Variants in PHLPP1 observed in about 807,000 individuals in gnomAD.
PHLPP1 encodes PH domain leucine-rich repeat-containing protein phosphatase 1.
Under a neutral mutation model 117.2 loss-of-function variants are expected in PHLPP1, and 42 were observed. The observed-to-expected ratio is 0.36, with a 90% CI of 0.28 to 0.46. PHLPP1 has a LOEUF of 0.46. Among genes scored for constraint, PHLPP1 ranks in the 20% least tolerant of loss-of-function variants. The pLI is 1.00. For missense variants in PHLPP1, 2,084 were observed against 2,241.9 expected (o/e 0.93, Z 1.42); for synonymous variants, 1,042 against 970.7 (o/e 1.07, Z -1.37).
intron 1 of PHLPP1, among the ~76,000 whole-genome samples, chr18:62,805,618 C>T (rs1365350290): frequency 6.6e-5 from 10 of 152,286 alleles, no homozygotes; most frequent in Admixed American, 2.0e-4. Flanking sequence ...ATCTCAGACT[C>T]TCAAAGTGTT....
intron 4 of PHLPP1, among the ~76,000 whole-genome samples, chr18:62,879,616 G>A (rs1209329389): frequency 1.3e-5 from 2 of 152,082 alleles, no homozygotes; most frequent in Non-Finnish European, 2.9e-5. Context: ...CACCGTGTTA[G>A]TCAGGATGGT....
chr18:62,882,549 G>T (rs994681322), intron 4 of PHLPP1, among the ~76,000 whole-genome samples: 1 of 152,044 alleles, frequency 6.6e-6, no homozygotes, highest in African/African-American at 2.4e-5. Flanking sequence ...ATGAGCCACC[G>T]CGCCCGGCCA....
intron 1 of PHLPP1, among the ~76,000 whole-genome samples, chr18:62,760,485 T>C (rs1024192467): frequency 2.1e-4 from 32 of 152,198 alleles, no homozygotes; most frequent in Admixed American, 2.0e-4. Flanking sequence ...GGGAAAGCAA[T>C]GTGTGGTTTT....
rs780762807 is a variant in PHLPP1 at position 62,920,114 on chromosome 18, G to A, written c.2960G>A (p.Ser987Asn). The A allele has an allele frequency of 6.2e-7, 1 of 1,612,948 alleles. No homozygotes were observed. The highest frequency in any genetic ancestry group is 2.2e-5 in the East Asian group (1 of 44,858). Residue 987 changes from serine to asparagine, a missense_variant and splice_region_variant, in exon 10 of 17, where the codon AGC becomes AAC. Transcript: ENST00000262719. ...CCTAACCTTCTGATGAAGGCTGACA[G>A]GTAAAGCCATTTGTCTTGTTTATCA... is the stretch of plus-strand genomic sequence containing the variant. ...LPPNLLMKAD[S>N]LRFLNASANK...
intron 1 of PHLPP1, among the ~76,000 whole-genome samples, chr18:62,783,469 C>T (rs1271525613): frequency 6.6e-6 from 1 of 152,084 alleles, no homozygotes; most frequent in African/African-American, 2.4e-5. Flanking sequence ...ACCTCGTGAT[C>T]TGCCCGCCTT....
chr18:62,952,945 A>G (rs1910506072), intron 12 of PHLPP1, among the ~76,000 whole-genome samples: 1 of 152,186 alleles, frequency 6.6e-6, no homozygotes, highest in South Asian at 2.1e-4. Flanking sequence ...TATGTAGAAT[A>G]ATAGTACTAC....
chr18:62,748,844 C>G (rs1350555860), intron 1 of PHLPP1, among the ~76,000 whole-genome samples: 1 of 152,050 alleles, frequency 6.6e-6, no homozygotes, highest in Admixed American at 6.6e-5. Flanking sequence ...TGGCTCCCCC[C>G]AACACACACA....
At chr18:62,726,417 A>G (rs897746720) in intron 1 of PHLPP1, among the ~76,000 whole-genome samples, 5 of 150,350 alleles carry the variant, frequency 3.3e-5, no homozygotes, top group African/African-American at 1.2e-4. Flanking sequence ...AGTCACTTAT[A>G]TTTTCTTTAT....
chr18:62,727,661 T>G (rs1053337188), intron 1 of PHLPP1, among the ~76,000 whole-genome samples: 1 of 151,808 alleles, frequency 6.6e-6, no homozygotes, highest in African/African-American at 2.4e-5. Flanking sequence ...TTATGCCATT[T>G]TTGCTTGTCT....
chr18:62,919,307 C>T (rs940651066), intron 9 of PHLPP1, among the ~76,000 whole-genome samples: 1 of 152,100 alleles, frequency 6.6e-6, no homozygotes, highest in Non-Finnish European at 1.5e-5. Flanking sequence ...AGAAACACAG[C>T]CAAGCTTCCA....
intron 16 of PHLPP1, among the ~76,000 whole-genome samples, chr18:62,975,906 G>C (rs1911173826): frequency 2.0e-5 from 3 of 152,182 alleles, no homozygotes; most frequent in African/African-American, 7.2e-5. Flanking sequence ...TGGTGGTTGA[G>C]GGCTCTACCC....
intron 1 of PHLPP1, among the ~76,000 whole-genome samples, chr18:62,720,207 A>G (rs71352588): frequency 0.025 from 3,744 of 152,308 alleles, 74 homozygotes; most frequent in Non-Finnish European, 0.04. Flanking sequence ...GTTGCTCGAC[A>G]TAAGTTATGG....
chr18:62,940,715 CTTGT>C (rs1011435186), intron 10 of PHLPP1, among the ~76,000 whole-genome samples: 15 of 152,100 alleles, frequency 9.9e-5, no homozygotes, highest in Admixed American at 6.6e-4. Context: ...AATATATTAT[CTTGT>C]TTGTTTGTTT....
intron 1 of PHLPP1, among the ~76,000 whole-genome samples, chr18:62,797,237 A>G (rs575041898): frequency 3.5e-4 from 53 of 152,338 alleles, no homozygotes; most frequent in African/African-American, 1.3e-3. Flanking sequence ...AACATTTTTT[A>G]CCATAATATA....
chr18:62,937,830 G>A (rs1470077299), intron 10 of PHLPP1, among the ~76,000 whole-genome samples: 1 of 152,088 alleles, frequency 6.6e-6, no homozygotes, highest in East Asian at 1.9e-4. Flanking sequence ...TGGCCAACAT[G>A]GTGAAACCCT....
chr18:62,777,937 C>T (rs1390092686), intron 1 of PHLPP1, among the ~76,000 whole-genome samples: 3 of 152,254 alleles, frequency 2.0e-5, no homozygotes, highest in South Asian at 2.1e-4. Context: ...TCCAATCATT[C>T]GTGTTACTAC....
At chr18:62,768,599 A>G (rs1405268212) in intron 1 of PHLPP1, among the ~76,000 whole-genome samples, 2 of 152,238 alleles carry the variant, frequency 1.3e-5, no homozygotes, top group Non-Finnish European at 2.9e-5. Context: ...ATTGGAAGTC[A>G]CTAAACCTTA....
intron 10 of PHLPP1, among the ~76,000 whole-genome samples, chr18:62,936,057 C>T (rs1909958794): frequency 6.6e-6 from 1 of 152,044 alleles, no homozygotes; most frequent in Non-Finnish European, 1.5e-5. Flanking sequence ...CATTCTTCAA[C>T]AAAAGGAATC....
At position 62,718,757 on chromosome 18, in the gene PHLPP1, C is replaced by T. The variant is rs556649760; in HGVS notation, c.1576+1498C>T. On this transcript the variant is annotated intron_variant, in intron 1 of 16. Coordinates refer to ENST00000262719, the MANE Select transcript of PHLPP1 (RefSeq NM_194449.4). ...TTACAAAAGCATTAAAAATAGGTGC[C>T]CTTTAACTACATGGAAGGAACTGTA... Among the ~76,000 whole-genome samples the T allele has an allele frequency of 3.9e-5, 6 of 152,032 alleles. No homozygotes were observed. In the East Asian group the frequency reaches 1.2e-3, roughly 29 times the overall value.
Sources: allele counts gnomAD v4.1 joint callset (sites outside exome capture counted in the v4.1 genomes callset), GRCh38; gene constraint gnomAD v4.1.1; transcripts MANE v1.5; gene names NCBI Gene and HGNC (gene_info 2026-07-23, HGNC 2026-07-21).